The following CLUH variants were observed in gnomAD, a reference collection of about 807,000 sequenced individuals.
The protein encoded by CLUH is CLUH binding protein of NUMT mRNA, also known as clustered mitochondria protein homolog.
CLUH carries 77 observed loss-of-function variants against 139.3 expected under a neutral mutation model. The observed-to-expected ratio is 0.55, with a 90% CI of 0.46 to 0.67. The LOEUF (loss-of-function observed/expected upper bound fraction) is 0.67. Among genes scored for constraint, CLUH ranks in the 30% least tolerant of loss-of-function variants. The probability of loss-of-function intolerance (pLI) is 0.00; values close to 1 mark genes in which losing one functional copy is unlikely to be tolerated. For synonymous variants in CLUH, 999 were observed against 801.6 expected (o/e 1.25, Z -4.16); for missense variants, 1,876 against 1,875.8 (o/e 1.00, Z 0.00).
chr17:2,695,004 T>C lies in CLUH; in HGVS notation c.2705A>G (p.Glu902Gly). 1 of 1,613,662 alleles carries C rather than the reference T, an allele frequency of 6.2e-7. No individual in the cohort carries two copies. The highest frequency in any genetic ancestry group is 1.1e-5 in the South Asian group (1 of 91,064). The change falls in exon 16 of 26, where the codon GAG (glutamate) becomes GGG (glycine). Residue 902 changes from glutamate to glycine, a missense_variant. Transcript: ENST00000651024. ...CTTATTCCGCTTCTTGGAGACCAGCTCGTCGGCGGGCAGGTGGGCCACGGG... is the reference window on the plus strand; with the variant it reads ...CTTATTCCGCTTCTTGGAGACCAGCCCGTCGGCGGGCAGGTGGGCCACGGG... ...PNPVAHLPADELVSKKRNKRR... is the reference protein window; with the variant it reads ...PNPVAHLPADGLVSKKRNKRR...
At chr17:2,700,273 C>T in intron 9 of CLUH, 109 bp downstream of exon 9, 1 of 1,016,148 alleles carries the variant, frequency 9.8e-7, no homozygotes, top group Non-Finnish European at 1.4e-6. Flanking sequence ...GGGAACCTGA[C>T]AGGGTTAGGG....
chr17:2,694,307 C>A lies in CLUH; in HGVS notation c.2938-31G>T, dbSNP rs1052643348. 4.5e-6 allele frequency: 7 copies of A among 1,563,138 alleles called. No individual in the cohort carries two copies. In the South Asian group the frequency reaches 7.3e-5, roughly 16 times the overall value. On this transcript the variant is annotated intron_variant, in intron 17 of 25. Coordinates refer to ENST00000651024, the MANE Select transcript of CLUH (RefSeq NM_001366661.1). The stretch of plus-strand genomic sequence containing the variant: ...GGGCAGCCCCCCCACCACAGGAAGC[C>A]TCAGGCCCAGGTTCAGCGGGTTGGC...
At chr17:2,708,864 G>C (rs972606482) in intron 1 of CLUH, among the ~76,000 whole-genome samples, 5 of 86,498 alleles carry the variant, frequency 5.8e-5, no homozygotes, top group South Asian at 5.7e-4. Flanking sequence ...TCTACTCGGG[G>C]GGGGGGGAGC....
In CLUH at chr17:2,698,835, C is replaced by T. The variant is rs117722233; in HGVS notation, c.1267-245G>A. Among the ~76,000 whole-genome samples the T allele has an allele frequency of 7.7e-3, 1,178 of 152,132 alleles. 5 individuals carry two copies. The highest frequency in any genetic ancestry group is 0.012 in the Non-Finnish European group (831 of 68,002). On this transcript the variant is annotated intron_variant, in intron 9 of 25. Transcript: ENST00000651024. ...GAGGCGGTCAGACCACTTGAGGTCA[C>T]GAGTTCGAGACCAGCCTGACCAATA...
chr17:2,693,319 C>T (rs1177661052), intron 19 of CLUH, among the ~76,000 whole-genome samples: 1 of 152,044 alleles, frequency 6.6e-6, no homozygotes, highest in African/African-American at 2.4e-5. Flanking sequence ...TCGCTTGAGC[C>T]CAGGAGGTTG....
intron 19 of CLUH, 137 bp from the exon 20 acceptor site, chr17:2,692,997 A>AG (rs1214767957): frequency 2.8e-6 from 2 of 720,984 alleles, no homozygotes; most frequent in East Asian, 3.0e-5. Flanking sequence ...ACAGTGCAGC[A>AG]GGGGGGAGGG....
rs1382785933 is a variant in CLUH at position 2,691,659 on chromosome 17, G to T, written c.3813C>A (p.Ser1271Arg). ...PLKFTAPSMA[S>R]VLEQLNVING... ...TAATGACGTTCAGCTGCTCCAAGAC[G>T]CTGGCCATGCTGGGGGCCGTGAACT... Residue 1271 changes from serine to arginine, a missense_variant, in exon 25 of 26, where the codon AGC becomes AGA. Physicochemically the swap from Ser to Arg is moderately radical, Grantham distance 110. Transcript: ENST00000651024. The T allele has an allele frequency of 6.2e-7, 1 of 1,612,668 alleles. No individual in the cohort carries two copies. The highest frequency in any genetic ancestry group is 1.3e-5 in the African/African-American group (1 of 75,010).
chr17:2,704,410 G>A lies in CLUH; in HGVS notation c.255C>T (p.Gly85=). The A allele has an allele frequency of 6.2e-7, 1 of 1,611,484 alleles. No individual in the cohort carries two copies. Among genetic ancestry groups the A allele is most frequent in the Non-Finnish European group, 8.5e-7 (1 of 1,178,970 alleles). The stretch of plus-strand genomic sequence containing the variant: ...CAGGGGCGAGGATCTTCACAGAAAA[G>A]CCCGTGTCCTGAATGACAATGACTT... ...GQEVIVIQDT[G]FSVKILAPGI... The change falls in exon 2 of 26, where the codon GGC becomes GGT. Residue 85 remains glycine (G), a synonymous_variant. Transcript: ENST00000651024. The surrounding 1 kb of genome is among the most constrained non-coding windows in gnomAD (Gnocchi z 5.7).
In CLUH at chr17:2,694,962, G is replaced by A. The variant is rs899724776; in HGVS notation, c.2747C>T (p.Pro916Leu). Residue 916 changes from proline to leucine, a missense_variant, in exon 16 of 26, where the codon CCC becomes CTC. Around this residue, in one of 3 missense-constraint regions of CLUH, gnomAD observed 1,454 missense variants for 1,384.4 expected, o/e 1.05. Transcript: ENST00000651024. ...GGCTGTGTTATCTGCAGCCCCCGGG[G>A]GCCGGTTTTTCCTCCTCTTATTCCG... is the stretch of plus-strand genomic sequence containing the variant. ...KKRNKRRKNR[P>L]PGAADNTAWA... is the part of the protein sequence containing the mutation. 6.2e-7 allele frequency: 1 copy of A among 1,612,896 alleles called. No homozygotes were observed. Among genetic ancestry groups the A allele is most frequent in the African/African-American group, 1.3e-5 (1 of 75,044 alleles).
Position 2,691,940 on chromosome 17 carries a change from G to GCCCCGC in CLUH, c.3655-51_3655-46dup, listed in dbSNP as rs1567575491. On this transcript the variant is annotated intron_variant, in intron 23 of 25. Coordinates refer to ENST00000651024, the MANE Select transcript of CLUH (RefSeq NM_001366661.1). ...GATCAGGCCCCCCCGTGCCCCCGCG[G>GCCCCGC]CCCCGCCCCCGCCCCGCCACGCCCC... The GCCCCGC allele has an allele frequency of 6.9e-4, 901 of 1,298,848 alleles. 6 individuals are homozygous for GCCCCGC. Among genetic ancestry groups the GCCCCGC allele is most frequent in the Middle Eastern group, 1.9e-3 (7 of 3,700 alleles). The allele number at this position is 1,298,848 out of a possible 1,614,324, so 80.5% of individuals were successfully genotyped here.
At chr17:2,694,751 G>C in intron 16 of CLUH, 106 bp downstream of exon 16, 4 of 1,416,180 alleles carry the variant, frequency 2.8e-6, no homozygotes, top group Non-Finnish European at 3.8e-6. Context: ...TCTTCTCTCT[G>C]ACTCCCTGGC....
chr17:2,694,949 T>C lies in CLUH; in HGVS notation c.2760A>G (p.Ala920=). 1 of 1,611,730 alleles carries C rather than the reference T, an allele frequency of 6.2e-7. No individual in the cohort carries two copies. Among genetic ancestry groups the C allele is most frequent in the Non-Finnish European group, 8.5e-7 (1 of 1,179,008 alleles). The part of the protein sequence containing the change: ...KRRKNRPPGA[A]DNTAWAVMTP... Reference sequence around the variant, plus strand: ...TCATGACAGCCCAGGCTGTGTTATCTGCAGCCCCCGGGGGCCGGTTTTTCC... The same window carrying C: ...TCATGACAGCCCAGGCTGTGTTATCCGCAGCCCCCGGGGGCCGGTTTTTCC... The change falls in exon 16 of 26, where the codon GCA becomes GCG. Residue 920 remains alanine (A), a synonymous_variant. Transcript: ENST00000651024.
Position 2,708,417 on chromosome 17 carries a change from C to T in CLUH, c.100+3145G>A, listed in dbSNP as rs575982531. 3.1e-4 allele frequency among the ~76,000 whole-genome samples: 47 copies of T among 152,194 alleles called. No homozygotes were observed. The East Asian group carries it at 8.9e-3, about 29-fold the overall frequency. On this transcript the variant is annotated intron_variant, in intron 1 of 25. Coordinates refer to ENST00000651024, the MANE Select transcript of CLUH (RefSeq NM_001366661.1). ...CCAGAGAAGTGTTGACAACCACCTGCACTCTGATTACCACAGAGCCAGGAC... is the reference window on the plus strand; with the variant it reads ...CCAGAGAAGTGTTGACAACCACCTGTACTCTGATTACCACAGAGCCAGGAC...
chr17:2,700,665 A>T lies in CLUH; in HGVS notation c.1173+13T>A. On this transcript the variant is annotated intron_variant, in intron 8 of 25. Coordinates refer to ENST00000651024, the MANE Select transcript of CLUH (RefSeq NM_001366661.1). ...AGGGGTGCCCAGCGAGGGCAGGGCCAGGTTGCAGGCACCTGTCCAGGAATG... is the reference window on the plus strand; with the variant it reads ...AGGGGTGCCCAGCGAGGGCAGGGCCTGGTTGCAGGCACCTGTCCAGGAATG... The T allele has an allele frequency of 6.6e-7, 1 of 1,518,690 alleles. No homozygotes were observed. The highest frequency in any genetic ancestry group is 8.8e-7 in the Non-Finnish European group (1 of 1,137,346). 94.1% of individuals were successfully genotyped at this position (1,518,690 alleles called of 1,614,324 possible). A position where few individuals can be genotyped will look rare whatever the true frequency, so the allele number is the denominator to read the frequency against.
rs748918927 is a variant in CLUH, at chr17:2,691,995, G to A, written c.3654+9C>T. 2 of 1,332,564 alleles carry A rather than the reference G, an allele frequency of 1.5e-6. No homozygotes were observed. The highest frequency in any genetic ancestry group is 1.4e-5 in the South Asian group (1 of 72,844). The allele number at this position is 1,332,564 out of a possible 1,614,324, so 82.5% of individuals were successfully genotyped here. Reference sequence around the variant, plus strand: ...CCGCCCCCGCCCCCGCCACGCCCCCGCCGCGCACCTGCGTCTTGTAGATGG... The same window carrying A: ...CCGCCCCCGCCCCCGCCACGCCCCCACCGCGCACCTGCGTCTTGTAGATGG... On this transcript the variant is annotated intron_variant, in intron 23 of 25. Transcript: ENST00000651024.
rs1363810257 is a variant in CLUH at position 2,696,811 on chromosome 17, T to A, written c.2093A>T (p.Gln698Leu). Residue 698 changes from glutamine to leucine, a missense_variant, in exon 11 of 26, where the codon CAG becomes CTG. Coordinates refer to ENST00000651024, the MANE Select transcript of CLUH (RefSeq NM_001366661.1). ...LESKSEDPPG[Q>L]EAGSEEEGSS... ...ACCCTCCTCCTCACTTCCCGCCTCC[T>A]GTCCTGGAGGATCCTCAGACTTGGA... The A allele has an allele frequency of 6.2e-7, 1 of 1,613,386 alleles. No homozygotes were observed. The highest frequency in any genetic ancestry group is 8.5e-7 in the Non-Finnish European group (1 of 1,179,884).
Position 2,696,545 on chromosome 17 carries a change from A to G in CLUH, c.2186-7T>C. On this transcript the variant is annotated splice_region_variant and splice_polypyrimidine_tract_variant and intron_variant, in intron 11 of 25. Transcript: ENST00000651024. ...TCCCGGCTCCGAGGGTCTGCTGTGG[A>G]GACATGGCTCCATGAGACACGGGTC... is the stretch of plus-strand genomic sequence containing the variant. 1 of 1,562,586 alleles carries G rather than the reference A, an allele frequency of 6.4e-7. No individual in the cohort carries two copies. Among genetic ancestry groups the G allele is most frequent in the Non-Finnish European group, 8.6e-7 (1 of 1,158,220 alleles).
In CLUH at chr17:2,691,801, A is replaced by C; in HGVS notation, c.3749T>G (p.Ile1250Ser). 1.9e-6 allele frequency: 3 copies of C among 1,585,444 alleles called. No individual in the cohort carries two copies. The highest frequency in any genetic ancestry group is 2.6e-6 in the Non-Finnish European group (3 of 1,166,540). Residue 1250 changes from isoleucine (I) to serine (S), a missense_variant, in exon 24 of 26, where the codon ATC becomes AGC. By Grantham distance (142) the Ile-to-Ser change is moderately radical. Transcript: ENST00000651024. Reference protein sequence around the residue: ...AVALQRTMNEIYRNGSSANIP... With the variant: ...AVALQRTMNESYRNGSSANIP... ...GTTGGCGCTGGAGCCGTTGCGGTAG[A>C]TCTCGTTCATGGTGCGCTGCAGGGC...
intron 9 of CLUH, among the ~76,000 whole-genome samples, chr17:2,699,766 G>C (rs1268071041): frequency 2.0e-5 from 3 of 152,070 alleles, no homozygotes; most frequent in Admixed American, 1.3e-4. Context: ...CGAGTAGCTG[G>C]GACTACAGGC....
Sources: gnomAD v4.1 joint callset for allele counts (sites outside exome capture counted in the v4.1 genomes callset) on GRCh38, gnomAD v4.1.1 for gene constraint, gnomAD v4.1.1 regional missense constraint, Gnocchi (gnomAD v3.1) non-coding constraint, MANE v1.5 for transcripts, NCBI Gene and HGNC (gene_info 2026-07-23, HGNC 2026-07-21) for gene names.